Variants in TACR3 observed in about 807,000 individuals in gnomAD.
TACR3 encodes the protein neuromedin-K receptor.
TACR3 carries 34 observed loss-of-function variants against 35.0 expected under a neutral mutation model. The ratio of observed to expected loss-of-function variants is 0.97; its 90% confidence interval spans 0.74 to 1.30. The LOEUF (loss-of-function observed/expected upper bound fraction) is 1.30, where lower values mean the gene tolerates loss of function less well. Among genes scored for constraint, TACR3 ranks in the 50% most tolerant of loss-of-function variants. TACR3 has a pLI of 0.00. For missense variants in TACR3, 558 were observed against 591.7 expected, an observed-to-expected ratio of 0.94 and a Z score of 0.59; for synonymous variants, 233 against 221.1, an observed-to-expected ratio of 1.05 and a Z score of -0.48.
intron 3 of TACR3, among the ~76,000 whole-genome samples, chr4:103,611,865 G>A (rs1328969793): frequency 6.6e-6 from 1 of 151,980 alleles, no homozygotes. Context: ...CATTTTCACT[G>A]CCCCATTCAA....
intron 1 of TACR3, among the ~76,000 whole-genome samples, chr4:103,682,578 G>C (rs528562698): frequency 2.0e-5 from 3 of 152,070 alleles, no homozygotes; most frequent in Non-Finnish European, 4.4e-5. Flanking sequence ...GACACATAGG[G>C]ATTATGGGGA....
In TACR3 at chr4:103,586,578, G is replaced by A. The variant is rs968788132; in HGVS notation, c.*3104C>T. 2.0e-5 allele frequency: 3 copies of A among 151,976 alleles called. No individual in the cohort carries two copies. The allele number at this position is 151,976 out of a possible 1,614,324, so 9.4% of individuals were successfully genotyped here. On this transcript the variant is annotated 3_prime_UTR_variant, in exon 5 of 5. Coordinates refer to ENST00000304883, the MANE Select transcript of TACR3 (RefSeq NM_001059.3). ...TTGTATTTCATAGGCTTGATACCAA[G>A]CTTCTTGGTATTCTTTATGTGCTTT...
chr4:103,708,498 C>T (rs1470562970), intron 1 of TACR3, among the ~76,000 whole-genome samples: 1 of 152,112 alleles, frequency 6.6e-6, no homozygotes, highest in African/African-American at 2.4e-5. Flanking sequence ...CACCAAAACC[C>T]CATCTGTATG....
intron 3 of TACR3, among the ~76,000 whole-genome samples, chr4:103,645,805 G>T (rs564434539): frequency 4.0e-5 from 6 of 151,860 alleles, no homozygotes; most frequent in African/African-American, 1.5e-4. Context: ...AATTCCAAAA[G>T]ATCCCTACAT....
intron 1 of TACR3, among the ~76,000 whole-genome samples, chr4:103,710,761 G>T (rs1578268390): frequency 6.6e-6 from 1 of 151,918 alleles, no homozygotes. Flanking sequence ...TAATAAAGAA[G>T]AAAAGAGAGT....
At chr4:103,691,168 T>C (rs1275810867) in intron 1 of TACR3, among the ~76,000 whole-genome samples, 26 of 152,148 alleles carry the variant, frequency 1.7e-4, no homozygotes, top group Admixed American at 1.7e-3. Context: ...ACATGAACAC[T>C]CATAGCAGTT....
chr4:103,688,417 G>C (rs896951039), intron 1 of TACR3, among the ~76,000 whole-genome samples: 2 of 151,388 alleles, frequency 1.3e-5, no homozygotes, highest in African/African-American at 2.4e-5. Context: ...TTAAACTAAA[G>C]AGCTTCTGCA....
At chr4:103,642,800 A>C (rs1725383901) in intron 3 of TACR3, among the ~76,000 whole-genome samples, 1 of 151,870 alleles carries the variant, frequency 6.6e-6, no homozygotes, top group Non-Finnish European at 1.5e-5. Flanking sequence ...ATATTTTAAA[A>C]TAGCTGTAAG....
At chr4:103,622,606 G>T (rs1052629186) in intron 3 of TACR3, among the ~76,000 whole-genome samples, 2 of 152,164 alleles carry the variant, frequency 1.3e-5, no homozygotes, top group East Asian at 1.9e-4. Context: ...GCGTGTGCCT[G>T]TAGTCCCAGC....
At position 103,629,864 on chromosome 4, in the gene TACR3, A is replaced by AC. The variant is rs1179263975; in HGVS notation, c.888+26329_888+26330insG. On this transcript the variant is annotated intron_variant, in intron 3 of 4. Coordinates refer to ENST00000304883, the MANE Select transcript of TACR3 (RefSeq NM_001059.3). ...CCTAAGCAAAACAAAAAAAAAACAA[A>AC]AAAAAAACAAAAAAAACAACAACAA... is the stretch of plus-strand genomic sequence containing the variant. Among the ~76,000 whole-genome samples, 779 of 116,624 alleles carry AC rather than the reference A, an allele frequency of 6.7e-3. 21 individuals are homozygous for AC. The highest frequency in any genetic ancestry group is 0.04 in the Middle Eastern group (8 of 200). The allele number at this position is 116,624 out of a possible 152,430, so 76.5% of individuals were successfully genotyped here.
chr4:103,599,076 C>T (rs1724119904), intron 3 of TACR3, among the ~76,000 whole-genome samples: 1 of 152,170 alleles, frequency 6.6e-6, no homozygotes, highest in South Asian at 2.1e-4. Context: ...TTGATTCTTC[C>T]TACCCATGAA....
At chr4:103,604,126 T>A (rs1283300264) in intron 3 of TACR3, among the ~76,000 whole-genome samples, 1 of 152,146 alleles carries the variant, frequency 6.6e-6, no homozygotes, top group African/African-American at 2.4e-5. Context: ...ATCAGGCTGC[T>A]TGACTTCAAA....
chr4:103,606,672 G>A (rs1447016012), intron 3 of TACR3, among the ~76,000 whole-genome samples: 2 of 152,010 alleles, frequency 1.3e-5, no homozygotes, highest in Non-Finnish European at 2.9e-5. Context: ...CATTGATTTT[G>A]TATCCTGAGA....
At position 103,651,693 on chromosome 4, in the gene TACR3, GC is replaced by G. The variant is rs1725621888; in HGVS notation, c.888+4500del. On this transcript the variant is annotated intron_variant, in intron 3 of 4. Transcript: ENST00000304883. ...CTATAGCCCCCACAGCTGGGAATGT[GC>G]TGAGTCTCACTTGAAGCTAGCATGT... is the stretch of plus-strand genomic sequence containing the variant. Among the ~76,000 whole-genome samples the G allele has an allele frequency of 2.0e-5, 3 of 152,000 alleles. No individual in the cohort carries two copies. In the South Asian group the frequency reaches 6.2e-4, roughly 32 times the overall value.
intron 3 of TACR3, among the ~76,000 whole-genome samples, chr4:103,601,816 A>T (rs150449433): frequency 0.01 from 1,571 of 152,266 alleles, 6 homozygotes; most frequent in Non-Finnish European, 0.015. Flanking sequence ...GCTGCGCTTA[A>T]CATTTTTTCC....
At chr4:103,603,201 C>T (rs530566192) in intron 3 of TACR3, among the ~76,000 whole-genome samples, 193 of 152,336 alleles carry the variant, frequency 1.3e-3, no homozygotes, top group African/African-American at 4.1e-3. Flanking sequence ...TAGCCATGTG[C>T]GGGATATAAT....
intron 1 of TACR3, among the ~76,000 whole-genome samples, chr4:103,713,340 G>A (rs1560542610): frequency 6.6e-6 from 1 of 151,788 alleles, no homozygotes; most frequent in African/African-American, 2.4e-5. Flanking sequence ...GATGAAGCTG[G>A]AAACCATCAT....
intron 3 of TACR3, among the ~76,000 whole-genome samples, chr4:103,643,382 G>A (rs79618381): frequency 6.6e-6 from 1 of 151,360 alleles, no homozygotes; most frequent in East Asian, 2.0e-4. Flanking sequence ...ATTTCAGTAG[G>A]GGGGAGATTG....
intron 3 of TACR3, among the ~76,000 whole-genome samples, chr4:103,598,784 G>C (rs1453937522): frequency 6.6e-6 from 1 of 152,144 alleles, no homozygotes; most frequent in African/African-American, 2.4e-5. Flanking sequence ...CATTATTTCT[G>C]AGGGCTCTGT....
Sources: allele counts gnomAD v4.1 joint callset (sites outside exome capture counted in the v4.1 genomes callset), GRCh38; gene constraint gnomAD v4.1.1; transcripts MANE v1.5; gene names NCBI Gene and HGNC (gene_info 2026-07-23, HGNC 2026-07-21).